CSE1L: variants seen among roughly 807,000 people sequenced by gnomAD.
CSE1L encodes the protein chromosome segregation 1 like.
CSE1L carries 24 observed loss-of-function variants against 120.4 expected under a neutral mutation model. The observed-to-expected ratio is 0.20, with a 90% CI of 0.14 to 0.28. The LOEUF (loss-of-function observed/expected upper bound fraction) is 0.28. CSE1L is among the 10% of genes least tolerant of loss of function. The pLI, the probability that CSE1L is intolerant of heterozygous loss-of-function variation, is 1.00. For synonymous variants in CSE1L, 402 were observed against 398.3 expected (o/e 1.01, Z -0.11); for missense variants, 830 against 1,145.2 (o/e 0.72, Z 3.97).
chr20:49,057,962 G>T (rs2123666276), intron 1 of CSE1L, among the ~76,000 whole-genome samples: 1 of 151,916 alleles, frequency 6.6e-6, no homozygotes, highest in South Asian at 2.1e-4. Context: ...GTAGAGATGG[G>T]GTCTCACCCT....
chr20:49,076,106 C>T (rs1038319772), intron 12 of CSE1L, among the ~76,000 whole-genome samples: 3 of 151,912 alleles, frequency 2.0e-5, no homozygotes, highest in African/African-American at 7.3e-5. Flanking sequence ...TGCTGGGATA[C>T]AGGTGTGAGT....
Position 49,072,269 on chromosome 20 carries a change from G to A in CSE1L, c.769-17G>A. The stretch of plus-strand genomic sequence containing the variant: ...ATTAGAGTTGTATGTTGGAGTTTTT[G>A]TTTTCTTTTATGTGAGGATGAAGAG... On this transcript the variant is annotated splice_polypyrimidine_tract_variant and intron_variant, in intron 8 of 24. Transcript: ENST00000262982. 1 of 1,610,246 alleles carries A rather than the reference G, an allele frequency of 6.2e-7. No homozygotes were observed. The highest frequency in any genetic ancestry group is 8.5e-7 in the Non-Finnish European group (1 of 1,178,406).
In CSE1L at chr20:49,096,484, T is replaced by C. The variant is rs757338987; in HGVS notation, c.*46T>C. The C allele has an allele frequency of 7.2e-7, 1 of 1,396,246 alleles. No individual in the cohort carries two copies. The highest frequency in any genetic ancestry group is 1.0e-6 in the Non-Finnish European group (1 of 981,906). The allele number at this position is 1,396,246 out of a possible 1,614,324, so 86.5% of individuals were successfully genotyped here. A position where few individuals can be genotyped will look rare whatever the true frequency, so the allele number is the denominator to read the frequency against. ...TAAACCCAGATGGTTTCCTAGGAAA[T>C]CACAGGCTTCTGAGCACAGCTGCAT... On this transcript the variant is annotated 3_prime_UTR_variant, in exon 25 of 25. Transcript: ENST00000262982.
intron 1 of CSE1L, among the ~76,000 whole-genome samples, chr20:49,050,704 C>G (rs952731910): frequency 2.0e-5 from 3 of 151,900 alleles, no homozygotes; most frequent in African/African-American, 7.3e-5. Flanking sequence ...AGCCACCGCG[C>G]CCGGCCTGAG....
rs61452497 is a variant in CSE1L, at chr20:49,063,160, A to G, written c.86-42A>G. The G allele has an allele frequency of 0.012, 15,800 of 1,343,154 alleles. 1,044 individuals carry two copies. In the African/African-American group the frequency reaches 0.17, roughly 15 times the overall value. The allele number at this position is 1,343,154 out of a possible 1,614,324, so 83.2% of individuals were successfully genotyped here. ...TATATTTGATATATATAAGGTGGAA[A>G]GATTTTTATCTTAGTCTTTTAACAT... On this transcript the variant is annotated intron_variant, in intron 2 of 24. Transcript: ENST00000262982.
chr20:49,061,941 G>T (rs1194845298), intron 2 of CSE1L, among the ~76,000 whole-genome samples: 2 of 152,154 alleles, frequency 1.3e-5, no homozygotes, highest in African/African-American at 4.8e-5. Flanking sequence ...TGACTAGACT[G>T]ACTCAACTAG....
At chr20:49,071,859 T>G (rs1022768102) in intron 8 of CSE1L, among the ~76,000 whole-genome samples, 6 of 151,116 alleles carry the variant, frequency 4.0e-5, no homozygotes, top group African/African-American at 1.5e-4. Flanking sequence ...TCCCAGCTAC[T>G]TGGGAGGCTG....
Position 49,094,254 on chromosome 20 carries a change from C to G in CSE1L, c.2562C>G (p.Pro854=). 1 of 1,613,018 alleles carries G rather than the reference C, an allele frequency of 6.2e-7. No individual in the cohort carries two copies. The highest frequency in any genetic ancestry group is 8.5e-7 in the Non-Finnish European group (1 of 1,179,558). The change falls in exon 23 of 25, where the codon CCC becomes CCG. Residue 854 remains proline (P), a synonymous_variant. Coordinates refer to ENST00000262982, the MANE Select transcript of CSE1L (RefSeq NM_001316.4). The stretch of plus-strand genomic sequence containing the variant: ...TAACCAAATTACTAACAGAATGTCC[C>G]CCAATGATGGACACTGAGTATACCA... ...VGITKLLTEC[P]PMMDTEYTKL...
chr20:49,075,356 C>T lies in CSE1L; in HGVS notation c.1171C>T (p.Arg391Ter). Residue 391 changes from arginine (R) to a stop codon, truncating the protein, a stop_gained, in exon 12 of 25, where the codon CGA (arginine) becomes TGA (stop). Transcript: ENST00000262982. LOFTEE classifies it high-confidence loss of function. ...ACGCAGGGCTGCTTGTGATCTGGTACGAGGATTATGCAAGTTTTTTGAGGG... is the reference window on the plus strand; with the variant it reads ...ACGCAGGGCTGCTTGTGATCTGGTATGAGGATTATGCAAGTTTTTTGAGGG... ...TRRRAACDLV[R>*]GLCKFFEGPV... 2 of 1,613,572 alleles carry T rather than the reference C, an allele frequency of 1.2e-6. No individual in the cohort carries two copies. Among genetic ancestry groups the T allele is most frequent in the Non-Finnish European group, 1.7e-6 (2 of 1,179,874 alleles).
chr20:49,084,066 T>C lies in CSE1L; in HGVS notation c.1523T>C (p.Ile508Thr). 6.2e-7 allele frequency: 1 copy of C among 1,613,972 alleles called. No homozygotes were observed. Among genetic ancestry groups the C allele is most frequent in the Non-Finnish European group, 8.5e-7 (1 of 1,179,846 alleles). The part of the protein sequence containing the change: ...EHLLVSIPLL[I>T]NHLQAESIVV... ...CTTTTAGTCTCGATTCCTCTCTTGA[T>C]TAATCATCTTCAAGCTGAAAGTATT... The change falls in exon 15 of 25, where the codon ATT (isoleucine) becomes ACT (threonine). Residue 508 changes from isoleucine (I) to threonine (T), a missense_variant. By Grantham distance (89) the Ile-to-Thr change is moderately conservative. Transcript: ENST00000262982.
At chr20:49,088,362 A>G (rs2092075862) in intron 17 of CSE1L, among the ~76,000 whole-genome samples, 1 of 152,228 alleles carries the variant, frequency 6.6e-6, no homozygotes, top group Non-Finnish European at 1.5e-5. Context: ...TTGTAGAAAA[A>G]GAAAGTGCAG....
chr20:49,051,904 C>G (rs1288097288), intron 1 of CSE1L, among the ~76,000 whole-genome samples: 1 of 152,176 alleles, frequency 6.6e-6, no homozygotes. Context: ...CTATGTTGCC[C>G]ACGCTGGTCT....
At chr20:49,072,824 C>A in intron 10 of CSE1L, 127 bp downstream of exon 10, 2 of 1,003,384 alleles carry the variant, frequency 2.0e-6, no homozygotes, top group Non-Finnish European at 2.8e-6. Context: ...TTTTCTAAAC[C>A]AAGACAGAAA....
chr20:49,092,299 C>T (rs1433232104), intron 22 of CSE1L, among the ~76,000 whole-genome samples, 172 bp downstream of exon 22: 1 of 151,850 alleles, frequency 6.6e-6, no homozygotes, highest in African/African-American at 2.4e-5. Context: ...AATCCTGGCC[C>T]AGCATGGTGG....
chr20:49,048,886 G>T (rs184972684), intron 1 of CSE1L, among the ~76,000 whole-genome samples: 1 of 152,284 alleles, frequency 6.6e-6, no homozygotes, highest in East Asian at 1.9e-4. Context: ...CCTCGGGAAT[G>T]GTTCTCTAAT....
intron 21 of CSE1L, 31 bp from the exon 22 acceptor site, chr20:49,092,015 T>C (rs373161526): frequency 6.9e-5 from 84 of 1,221,506 alleles, no homozygotes; most frequent in Non-Finnish European, 9.2e-5. Context: ...GTGAGTTCTC[T>C]ATGCTGATAT....
chr20:49,064,782 T>G (rs1370964925), intron 3 of CSE1L, among the ~76,000 whole-genome samples: 1 of 151,278 alleles, frequency 6.6e-6, no homozygotes, highest in Admixed American at 6.6e-5. Context: ...CTATTTTGAT[T>G]TGTAAAACTA....
At chr20:49,075,559 A>G (rs2091963238) in intron 12 of CSE1L, 39 bp downstream of exon 12, 4 of 1,521,820 alleles carry the variant, frequency 2.6e-6, no homozygotes, top group Non-Finnish European at 2.7e-6. Context: ...TAAAACAGAC[A>G]TCAGTGACAC....
At position 49,084,015 on chromosome 20, in the gene CSE1L, G is replaced by C. The variant is rs779967395; in HGVS notation, c.1483-11G>C. 6.2e-7 allele frequency: 1 copy of C among 1,610,338 alleles called. No individual in the cohort carries two copies. The highest frequency in any genetic ancestry group is 8.5e-7 in the Non-Finnish European group (1 of 1,177,080). ...TTGCATTTAGAGCATGTATATTATTGTGTTTTTTAGGTGCCAAAAGAACAT... is the reference window on the plus strand; with the variant it reads ...TTGCATTTAGAGCATGTATATTATTCTGTTTTTTAGGTGCCAAAAGAACAT... On this transcript the variant is annotated splice_polypyrimidine_tract_variant and intron_variant, in intron 14 of 24. Transcript: ENST00000262982.
Sources: allele counts gnomAD v4.1 joint callset (sites outside exome capture counted in the v4.1 genomes callset), GRCh38; gene constraint gnomAD v4.1.1; transcripts MANE v1.5; gene names NCBI Gene and HGNC (gene_info 2026-07-23, HGNC 2026-07-21).